GON4L: variants seen among roughly 807,000 people sequenced by gnomAD.
The protein encoded by GON4L is GON-4-like protein.
In GON4L, 87 loss-of-function variants were observed where a neutral mutation model predicts 211.8. That is an observed-to-expected ratio of 0.41 (90% CI 0.35 to 0.49). The LOEUF (loss-of-function observed/expected upper bound fraction) is 0.49, where lower values mean the gene tolerates loss of function less well. Ranked by LOEUF, GON4L falls within the 20% of genes least tolerant of loss-of-function variation. GON4L has a pLI of 0.15. For synonymous variants in GON4L, 875 were observed against 962.6 expected (o/e 0.91, Z 1.68); for missense variants, 2,155 against 2,659.5 (o/e 0.81, Z 4.17).
At chr1:155,788,512 G>A (rs1665184635) in intron 12 of GON4L, among the ~76,000 whole-genome samples, 1 of 152,084 alleles carries the variant, frequency 6.6e-6, no homozygotes. Flanking sequence ...AAGAGAGAGA[G>A]AAATGAAGCA....
intron 18 of GON4L, among the ~76,000 whole-genome samples, chr1:155,771,719 C>A (rs1233264904): frequency 3.9e-5 from 6 of 152,024 alleles, no homozygotes; most frequent in Admixed American, 3.9e-4. Flanking sequence ...CTCAAGCGAT[C>A]CTCCTGCCTC....
intron 2 of GON4L, among the ~76,000 whole-genome samples, chr1:155,831,084 A>C (rs1333156025): frequency 6.6e-6 from 1 of 152,062 alleles, no homozygotes; most frequent in African/African-American, 2.4e-5. Context: ...AGGTCACTTG[A>C]GCTCAGGAGT....
At chr1:155,811,754 C>CAAAAAAAAAAAAAAAAAAAAAAAAAAA (rs145360103) in intron 10 of GON4L, among the ~76,000 whole-genome samples, 2 of 33,052 alleles carry the variant, frequency 6.1e-5, no homozygotes, top group African/African-American at 2.9e-4. Context: ...GACTCTGTCT[C>CAAAAAAAAAAAAAAAAAAAAAAAAAAA]AAAAAAAAAA....
At chr1:155,756,182 T>A (rs1386127666) in intron 27 of GON4L, among the ~76,000 whole-genome samples, 3 of 152,168 alleles carry the variant, frequency 2.0e-5, no homozygotes, top group Admixed American at 2.0e-4. Context: ...ATTAAATGTG[T>A]CAATAATCCA....
intron 2 of GON4L, among the ~76,000 whole-genome samples, chr1:155,832,104 A>C (rs569959576): frequency 1.3e-5 from 2 of 151,422 alleles, no homozygotes; most frequent in Non-Finnish European, 2.9e-5. Flanking sequence ...GCGAAACCCT[A>C]TCTCTACTAA....
Position 155,762,326 on chromosome 1 carries a change from C to A in GON4L, c.4775G>T (p.Arg1592Leu). The change falls in exon 23 of 32, where the codon CGC becomes CTC. Residue 1592 changes from arginine to leucine, a missense_variant. Arg to Leu is a moderately radical substitution (Grantham distance 102). Coordinates refer to ENST00000368331, the MANE Select transcript of GON4L (RefSeq NM_001282860.2). ...AGKGRNNHRARNKRGSRARAS... is the reference protein window; with the variant it reads ...AGKGRNNHRALNKRGSRARAS... ...CCGAGCCCGACTTCCCCGCTTGTTG[C>A]GAGCTCGATGATTGTTCCGGCCTTT... 3 of 1,613,570 alleles carry A rather than the reference C, an allele frequency of 1.9e-6. No homozygotes were observed. The highest frequency in any genetic ancestry group is 2.5e-6 in the Non-Finnish European group (3 of 1,179,596).
rs768840291 is a variant in GON4L at position 155,784,056 on chromosome 1, C to A, written c.1822G>T (p.Asp608Tyr). The change falls in exon 14 of 32, where the codon GAT becomes TAT. Residue 608 changes from aspartate to tyrosine, a missense_variant. Physicochemically the swap from Asp to Tyr is radical, Grantham distance 160 (BLOSUM62 -3). Transcript: ENST00000368331. ...QDEMGFSNME[D>Y]DGPEEEECVA... The stretch of plus-strand genomic sequence containing the variant: ...CACTCCTCCTCTTCTGGGCCATCAT[C>A]TTCCATGTTGGAGAATCCCATCTCA... 1 of 1,614,110 alleles carries A rather than the reference C, an allele frequency of 6.2e-7. No individual in the cohort carries two copies. Among genetic ancestry groups the A allele is most frequent in the Admixed American group, 1.7e-5 (1 of 60,012 alleles).
intron 12 of GON4L, among the ~76,000 whole-genome samples, chr1:155,794,635 A>G (rs1407657706): frequency 6.6e-6 from 1 of 152,120 alleles, no homozygotes; most frequent in Non-Finnish European, 1.5e-5. Flanking sequence ...TTCTTTCCTA[A>G]GTTCTCCTAT....
rs1383110598 is a variant in GON4L at position 155,775,118 on chromosome 1, G to A, written c.2234C>T (p.Pro745Leu). 8 of 1,614,118 alleles carry A rather than the reference G, an allele frequency of 5.0e-6. No individual in the cohort carries two copies. The highest frequency in any genetic ancestry group is 6.8e-6 in the Non-Finnish European group (8 of 1,180,018). Reference protein sequence around the residue: ...SSIALHHQYNPKFQTLFQPCN... With the variant: ...SSIALHHQYNLKFQTLFQPCN... ...GGGTTGGAACAGGGTCTGAAACTTG[G>A]GGTTGTACTGATGGTGAAGGGCGAT... The change falls in exon 17 of 32, where the codon CCC (proline) becomes CTC (leucine). Residue 745 changes from proline (P) to leucine (L), a missense_variant. Pro to Leu is a moderately conservative substitution (Grantham distance 98). Coordinates refer to ENST00000368331, the MANE Select transcript of GON4L (RefSeq NM_001282860.2).
At position 155,809,974 on chromosome 1, in the gene GON4L, AATTATATATATATATAATTATAT is replaced by A. The variant is rs1557886062; in HGVS notation, c.1452+3637_1452+3659del. Among the ~76,000 whole-genome samples the A allele has an allele frequency of 1.2e-4, 10 of 86,330 alleles. 1 individual carries two copies. Among genetic ancestry groups the A allele is most frequent in the East Asian group, 3.4e-4 (1 of 2,912 alleles). 56.6% of individuals were successfully genotyped at this position (86,330 alleles called of 152,430 possible). On this transcript the variant is annotated intron_variant, in intron 10 of 31. Transcript: ENST00000368331. ...TAAATTATATACATATATAATTATA[AATTATATATATATATAATTATAT>A]ATATATATATATTTTTGAAATGTAG...
At chr1:155,856,760 GAA>G (rs1303927749) in intron 1 of GON4L, among the ~76,000 whole-genome samples, 2 of 151,426 alleles carry the variant, frequency 1.3e-5, no homozygotes, top group African/African-American at 4.9e-5. Context: ...AAAAAAAGGG[GAA>G]AAAAAGAAAA....
chr1:155,854,105 AGAGT>A (rs1383050304), intron 1 of GON4L, among the ~76,000 whole-genome samples: 10 of 152,210 alleles, frequency 6.6e-5, no homozygotes, highest in African/African-American at 2.4e-4. Context: ...TTACAATTAA[AGAGT>A]AAGTGATTAA....
intron 18 of GON4L, among the ~76,000 whole-genome samples, chr1:155,771,489 TCA>T (rs1474612900): frequency 6.6e-6 from 1 of 152,016 alleles, no homozygotes; most frequent in Non-Finnish European, 1.5e-5. Context: ...TCATTTTTTT[TCA>T]GACAGGGTCT....
At chr1:155,776,546 G>T in intron 15 of GON4L, 65 bp from the exon 16 acceptor site, 1 of 1,145,462 alleles carries the variant, frequency 8.7e-7, no homozygotes, top group Non-Finnish European at 1.3e-6. Context: ...AATCCAGAGA[G>T]ATCTTTTTTT....
intron 23 of GON4L, among the ~76,000 whole-genome samples, chr1:155,761,219 T>C (rs944390444): frequency 6.7e-6 from 1 of 149,846 alleles, no homozygotes; most frequent in Non-Finnish European, 1.5e-5. Flanking sequence ...CTCATTCTGT[T>C]GCCCAGGATG....
At chr1:155,759,998 A>G (rs1479478934) in intron 24 of GON4L, among the ~76,000 whole-genome samples, 2 of 147,380 alleles carry the variant, frequency 1.4e-5, no homozygotes, top group Non-Finnish European at 3.0e-5. Flanking sequence ...ATATATATAT[A>G]TGTTTTCTGG....
At position 155,816,277 on chromosome 1, in the gene GON4L, TATAA is replaced by T. The variant is rs770972891; in HGVS notation, c.1015-19_1015-16del. 1.8e-6 allele frequency: 2 copies of T among 1,129,540 alleles called. No homozygotes were observed. The highest frequency in any genetic ancestry group is 2.5e-5 in the South Asian group (2 of 79,922). The allele number at this position is 1,129,540 out of a possible 1,614,324, so 70.0% of individuals were successfully genotyped here. A position where few individuals can be genotyped will look rare whatever the true frequency, so the allele number is the denominator to read the frequency against. On this transcript the variant is annotated splice_polypyrimidine_tract_variant and intron_variant, in intron 6 of 31. Coordinates refer to ENST00000368331, the MANE Select transcript of GON4L (RefSeq NM_001282860.2). The stretch of plus-strand genomic sequence containing the variant: ...GTTGGAATTACCTACCAACAAAGAA[TATAA>T]ATAATTAAGTTATCTTAACTGAAAT...
At chr1:155,842,620 G>A (rs1185845097) in intron 2 of GON4L, among the ~76,000 whole-genome samples, 1 of 150,864 alleles carries the variant, frequency 6.6e-6, no homozygotes, top group Non-Finnish European at 1.5e-5. Context: ...GGTGGATCAC[G>A]AGGTCAGGGA....
At chr1:155,782,764 A>G (rs941971448) in intron 14 of GON4L, among the ~76,000 whole-genome samples, 1 of 152,056 alleles carries the variant, frequency 6.6e-6, no homozygotes, top group African/African-American at 2.4e-5. Flanking sequence ...GGTTCAAGTG[A>G]GTATCCTGCC....
Sources: gnomAD v4.1 joint callset for allele counts (sites outside exome capture counted in the v4.1 genomes callset) on GRCh38, gnomAD v4.1.1 for gene constraint, MANE v1.5 for transcripts, NCBI Gene and HGNC (gene_info 2026-07-23, HGNC 2026-07-21) for gene names.